The following PTPRZ1 variants were observed in gnomAD, a reference collection of about 807,000 sequenced individuals.
PTPRZ1 encodes the protein receptor-type tyrosine-protein phosphatase zeta.
PTPRZ1 carries 82 observed loss-of-function variants against 214.1 expected under a neutral mutation model. The ratio of observed to expected loss-of-function variants is 0.38; its 90% CI spans 0.32 to 0.46. PTPRZ1 has a LOEUF of 0.46. PTPRZ1 is among the 20% of genes least tolerant of loss of function. The pLI is 1.00. For synonymous variants in PTPRZ1, 945 were observed against 987.9 expected, an observed-to-expected ratio of 0.96 and a Z score of 0.81; for missense variants, 2,603 against 2,748.7, an observed-to-expected ratio of 0.95 and a Z score of 1.19.
At chr7:121,929,051 T>A (rs1795847196) in intron 2 of PTPRZ1, among the ~76,000 whole-genome samples, 2 of 152,228 alleles carry the variant, frequency 1.3e-5, no homozygotes, top group Admixed American at 1.3e-4. Context: ...AGAAGCATGC[T>A]GAATTTTGTA....
At chr7:121,957,395 C>A (rs1796741872) in intron 2 of PTPRZ1, among the ~76,000 whole-genome samples, 1 of 152,122 alleles carries the variant, frequency 6.6e-6, no homozygotes, top group Non-Finnish European at 1.5e-5. Context: ...GTTGCACGAG[C>A]TTTGGTCTGT....
chr7:121,880,689 C>A (rs1289493554), intron 1 of PTPRZ1, among the ~76,000 whole-genome samples: 2 of 152,048 alleles, frequency 1.3e-5, no homozygotes, highest in Non-Finnish European at 2.9e-5. Flanking sequence ...AACATGCTGG[C>A]CAGATATAAG....
At chr7:121,973,982 GA>G (rs1797349449) in intron 4 of PTPRZ1, among the ~76,000 whole-genome samples, 1 of 115,158 alleles carries the variant, frequency 8.7e-6, no homozygotes, top group African/African-American at 3.2e-5. Flanking sequence ...TGGAATTCAA[GA>G]AAATGCTAGT....
At chr7:121,887,649 G>C (rs1794438877) in intron 1 of PTPRZ1, among the ~76,000 whole-genome samples, 2 of 152,122 alleles carry the variant, frequency 1.3e-5, no homozygotes, top group South Asian at 4.1e-4. Context: ...GAGTACAATA[G>C]TGAATGCAGA....
At chr7:121,892,895 T>C (rs1469685932) in intron 1 of PTPRZ1, among the ~76,000 whole-genome samples, 3 of 151,750 alleles carry the variant, frequency 2.0e-5, no homozygotes, top group Non-Finnish European at 2.9e-5. Context: ...CTTTGTTTTT[T>C]TGAAAAATAT....
At chr7:121,951,256 C>T (rs1400599993) in intron 2 of PTPRZ1, among the ~76,000 whole-genome samples, 13 of 152,198 alleles carry the variant, frequency 8.5e-5, no homozygotes. Flanking sequence ...ATACTGCTGT[C>T]TTCTTGGAGC....
chr7:121,922,058 A>G (rs188341638), intron 1 of PTPRZ1, among the ~76,000 whole-genome samples: 4 of 152,318 alleles, frequency 2.6e-5, no homozygotes, highest in African/African-American at 2.4e-5. Context: ...AAAATTTGCC[A>G]TGTATAATTT....
intron 23 of PTPRZ1, among the ~76,000 whole-genome samples, chr7:122,047,211 C>G (rs1236996151): frequency 6.6e-6 from 1 of 151,986 alleles, no homozygotes; most frequent in Non-Finnish European, 1.5e-5. Flanking sequence ...AGCATTGACA[C>G]CAGATTACAG....
chr7:121,941,741 G>C (rs567591636), intron 2 of PTPRZ1, among the ~76,000 whole-genome samples: 1 of 152,170 alleles, frequency 6.6e-6, no homozygotes, highest in African/African-American at 2.4e-5. Context: ...TGTATCTGAG[G>C]GGCCTGTGTC....
At chr7:122,044,388 G>A (rs1799818523) in intron 22 of PTPRZ1, 34 bp from the exon 23 acceptor site, 1 of 1,611,838 alleles carries the variant, frequency 6.2e-7, no homozygotes, top group South Asian at 1.1e-5. Flanking sequence ...AGGAAAACTT[G>A]AACTAATGTT....
chr7:121,950,012 C>A (rs2116452164), intron 2 of PTPRZ1, among the ~76,000 whole-genome samples: 1 of 152,158 alleles, frequency 6.6e-6, no homozygotes, highest in Admixed American at 6.5e-5. Context: ...TAAAGACATA[C>A]CCGCGACTAA....
chr7:121,953,695 A>G (rs6965831), intron 2 of PTPRZ1, among the ~76,000 whole-genome samples: 44 of 152,318 alleles, frequency 2.9e-4, no homozygotes, highest in Non-Finnish European at 5.7e-4. Flanking sequence ...TAATTCACCT[A>G]AGGAATAGTT....
chr7:122,024,364 A>G (rs1293584529), intron 13 of PTPRZ1, among the ~76,000 whole-genome samples: 2 of 152,118 alleles, frequency 1.3e-5, no homozygotes, highest in African/African-American at 4.8e-5. Flanking sequence ...GACTTCACAT[A>G]AACACAATTG....
intron 18 of PTPRZ1, among the ~76,000 whole-genome samples, chr7:122,037,369 A>C (rs1160751382): frequency 6.6e-6 from 1 of 152,176 alleles, no homozygotes; most frequent in Non-Finnish European, 1.5e-5. Context: ...ATGAACAAAA[A>C]ATTTCCATAG....
intron 13 of PTPRZ1, among the ~76,000 whole-genome samples, chr7:122,022,850 A>G (rs576908562): frequency 1.3e-5 from 2 of 152,276 alleles, no homozygotes; most frequent in Non-Finnish European, 2.9e-5. Context: ...GAATCAAGAG[A>G]GTCTGGTACT....
intron 1 of PTPRZ1, among the ~76,000 whole-genome samples, chr7:121,901,330 A>C (rs1277319249): frequency 6.6e-6 from 1 of 152,210 alleles, no homozygotes; most frequent in Non-Finnish European, 1.5e-5. Context: ...AAAATGTAAT[A>C]AAAGCCAGAT....
intron 2 of PTPRZ1, among the ~76,000 whole-genome samples, chr7:121,951,739 T>G (rs1370769699): frequency 3.9e-5 from 6 of 152,202 alleles, no homozygotes; most frequent in Non-Finnish European, 8.8e-5. Context: ...CTGTGACTTC[T>G]CAGGGGTTTT....
At chr7:122,058,755 G>T in intron 27 of PTPRZ1, 45 bp from the exon 28 acceptor site, 5 of 1,523,548 alleles carry the variant, frequency 3.3e-6, no homozygotes, top group Non-Finnish European at 3.6e-6. Context: ...TCCACTCCTG[G>T]TAAACTGTCA....
intron 29 of PTPRZ1, among the ~76,000 whole-genome samples, 158 bp from the exon 30 acceptor site, chr7:122,060,922 C>T (rs1792554469): frequency 6.6e-6 from 1 of 152,168 alleles, no homozygotes. Context: ...GAAGAGACAT[C>T]AGTATAGGTT....
Sources: allele counts gnomAD v4.1 joint callset (sites outside exome capture counted in the v4.1 genomes callset), GRCh38; gene constraint gnomAD v4.1.1; transcripts MANE v1.5; gene names NCBI Gene and HGNC (gene_info 2026-07-23, HGNC 2026-07-21).